The following FAM171A1 variants were observed in gnomAD, a reference collection of about 807,000 sequenced individuals.
FAM171A1 encodes protein FAM171A1.
A neutral mutation model predicts 74.9 loss-of-function variants in FAM171A1; 23 were observed. That is an observed-to-expected ratio of 0.31 (90% CI 0.22 to 0.44). The LOEUF (loss-of-function observed/expected upper bound fraction) is 0.44, where lower values mean the gene tolerates loss of function less well. Ranked by LOEUF, FAM171A1 falls within the 20% of genes least tolerant of loss-of-function variation. The pLI is 1.00. For synonymous variants in FAM171A1, 527 were observed against 505.7 expected (o/e 1.04, Z -0.57); for missense variants, 1,162 against 1,159.2 (o/e 1.00, Z -0.03).
chr10:15,321,788 T>C (rs1470011093), intron 1 of FAM171A1, among the ~76,000 whole-genome samples: 1 of 152,186 alleles, frequency 6.6e-6, no homozygotes, highest in Non-Finnish European at 1.5e-5. Flanking sequence ...CATTACAAGC[T>C]CATAAAACTA....
At position 15,234,206 on chromosome 10, in the gene FAM171A1, A is replaced by C. The variant is rs11814658; in HGVS notation, c.755-13146T>G. On this transcript the variant is annotated intron_variant, in intron 5 of 7. Coordinates refer to ENST00000378116, the MANE Select transcript of FAM171A1 (RefSeq NM_001010924.2). ...CTTTTAAAAAATCATGTGTTAAGTG[A>C]GTGCTAACATAAAAGAGATTATAGC... Among the ~76,000 whole-genome samples, 608 of 152,344 alleles carry C rather than the reference A, an allele frequency of 4.0e-3. 2 individuals are homozygous for C. The highest frequency in any genetic ancestry group is 0.014 in the African/African-American group (581 of 41,574).
upstream of FAM171A1, among the ~76,000 whole-genome samples, chr10:15,371,486 C>T (rs1389791789): frequency 6.6e-6 from 1 of 151,820 alleles, no homozygotes; most frequent in Non-Finnish European, 1.5e-5. Flanking sequence ...ACCTGCCTTT[C>T]AGGGCGGAGC....
intron 1 of FAM171A1, among the ~76,000 whole-genome samples, chr10:15,330,949 G>A (rs986835625): frequency 6.6e-6 from 1 of 151,846 alleles, no homozygotes; most frequent in Non-Finnish European, 1.5e-5. Flanking sequence ...GAGTGTAGTG[G>A]CATGATCTCG....
intron 1 of FAM171A1, among the ~76,000 whole-genome samples, chr10:15,358,267 T>G (rs1835955767): frequency 6.6e-6 from 1 of 152,190 alleles, no homozygotes; most frequent in Non-Finnish European, 1.5e-5. Context: ...TGAGCCACTG[T>G]GCCTGTCTAG....
chr10:15,260,897 C>G (rs1834647486), intron 3 of FAM171A1, among the ~76,000 whole-genome samples: 1 of 152,158 alleles, frequency 6.6e-6, no homozygotes, highest in African/African-American at 2.4e-5. Context: ...CAAAGTCACC[C>G]CCAATTCTGA....
At position 15,312,673 on chromosome 10, in the gene FAM171A1, G is replaced by GTTTTTTTTTTTTTTTTTTTTTTT. The variant is rs1169098742; in HGVS notation, c.98-28591_98-28569dup. Among the ~76,000 whole-genome samples the GTTTTTTTTTTTTTTTTTTTTTTT allele has an allele frequency of 1.1e-4, 4 of 36,402 alleles. 1 individual carries two copies. The highest frequency in any genetic ancestry group is 3.5e-4 in the African/African-American group (3 of 8,554). 23.9% of individuals were successfully genotyped at this position (36,402 alleles called of 152,430 possible). ...TACTGGAATGAGTTCAGCACTGTGT[G>GTTTTTTTTTTTTTTTTTTTTTTT]TTTTTTTTTTTTTTTTTTTTTTTTT... On this transcript the variant is annotated intron_variant, in intron 1 of 7. Coordinates refer to ENST00000378116, the MANE Select transcript of FAM171A1 (RefSeq NM_001010924.2).
intron 1 of FAM171A1, among the ~76,000 whole-genome samples, chr10:15,316,108 T>TA (rs1175492956): frequency 6.6e-6 from 1 of 152,238 alleles, no homozygotes; most frequent in Non-Finnish European, 1.5e-5. Flanking sequence ...ACGGATAACT[T>TA]ACCCTTTCAT....
intron 1 of FAM171A1, among the ~76,000 whole-genome samples, chr10:15,318,957 G>A (rs1396822775): frequency 6.6e-6 from 1 of 152,230 alleles, no homozygotes; most frequent in Non-Finnish European, 1.5e-5. Flanking sequence ...AAACACTTGA[G>A]AGGGGACCAA....
chr10:15,247,428 C>T (rs1834448892), intron 5 of FAM171A1, among the ~76,000 whole-genome samples: 1 of 151,956 alleles, frequency 6.6e-6, no homozygotes, highest in Admixed American at 6.6e-5. Flanking sequence ...TGAGCCACTG[C>T]ACCCAAACAG....
chr10:15,301,200 T>C (rs1232263305), intron 1 of FAM171A1, among the ~76,000 whole-genome samples: 1 of 152,152 alleles, frequency 6.6e-6, no homozygotes, highest in Non-Finnish European at 1.5e-5. Context: ...TGAGAGACAG[T>C]CTGGCTCTAT....
intron 2 of FAM171A1, among the ~76,000 whole-genome samples, chr10:15,282,844 G>A (rs1447173380): frequency 2.6e-5 from 4 of 152,152 alleles, no homozygotes; most frequent in African/African-American, 9.7e-5. Flanking sequence ...CACCTGTCCT[G>A]TTGTGTGGGC....
At chr10:15,287,665 C>T (rs959988104) in intron 1 of FAM171A1, among the ~76,000 whole-genome samples, 4 of 152,102 alleles carry the variant, frequency 2.6e-5, no homozygotes, top group Non-Finnish European at 5.9e-5. Context: ...GGATTACAGG[C>T]GTGAGCCACC....
chr10:15,233,076 C>T (rs1240380601), intron 5 of FAM171A1, among the ~76,000 whole-genome samples: 6 of 151,982 alleles, frequency 3.9e-5, no homozygotes, highest in Admixed American at 6.5e-5. Flanking sequence ...AGGCAGATCA[C>T]GAGGTCAGGA....
chr10:15,312,436 A>G (rs1041664852), intron 1 of FAM171A1, among the ~76,000 whole-genome samples: 2 of 151,790 alleles, frequency 1.3e-5, no homozygotes, highest in Admixed American at 1.3e-4. Context: ...GCTGACACTA[A>G]GTAAAATTAG....
At chr10:15,268,679 T>C (rs1039359965) in intron 3 of FAM171A1, among the ~76,000 whole-genome samples, 1 of 151,984 alleles carries the variant, frequency 6.6e-6, no homozygotes, top group African/African-American at 2.4e-5. Context: ...ATGAGATGTT[T>C]AGGACCAGAA....
chr10:15,311,138 A>G (rs1835355429), intron 1 of FAM171A1, among the ~76,000 whole-genome samples: 1 of 152,222 alleles, frequency 6.6e-6, no homozygotes, highest in Non-Finnish European at 1.5e-5. Flanking sequence ...CTGTTCCTCA[A>G]ACAATACACA....
intron 1 of FAM171A1, among the ~76,000 whole-genome samples, chr10:15,322,730 G>A (rs1453193704): frequency 6.6e-6 from 1 of 152,232 alleles, no homozygotes; most frequent in Admixed American, 6.5e-5. Flanking sequence ...AGTGTTTGGG[G>A]TCTGGTCCTT....
rs181159777 is a variant in FAM171A1 at position 15,325,019 on chromosome 10, C to T, written c.98-40914G>A. 3.2e-4 allele frequency among the ~76,000 whole-genome samples: 49 copies of T among 152,324 alleles called. No individual in the cohort carries two copies. In the East Asian group the frequency reaches 7.1e-3, roughly 22 times the overall value. On this transcript the variant is annotated intron_variant, in intron 1 of 7. Coordinates refer to ENST00000378116, the MANE Select transcript of FAM171A1 (RefSeq NM_001010924.2). ...CTTGCGAAAAGCTAGAGGCACATCA[C>T]GTGTGTCTAATGATAAATATCTAAT... is the stretch of plus-strand genomic sequence containing the variant.
intron 5 of FAM171A1, among the ~76,000 whole-genome samples, chr10:15,245,532 C>A (rs2131753156): frequency 6.6e-6 from 1 of 152,330 alleles, no homozygotes; most frequent in East Asian, 1.9e-4. Flanking sequence ...GGCTCTGTTT[C>A]TTTAGAGAAT....
Sources: allele counts gnomAD v4.1 joint callset (sites outside exome capture counted in the v4.1 genomes callset), GRCh38; gene constraint gnomAD v4.1.1; transcripts MANE v1.5; gene names NCBI Gene and HGNC (gene_info 2026-07-23, HGNC 2026-07-21).